The following KCNAB1 variants were observed in gnomAD, a reference collection of about 807,000 sequenced individuals.
KCNAB1 encodes potassium voltage-gated channel subfamily A regulatory beta subunit 1.
Under a neutral mutation model 64.6 loss-of-function variants are expected in KCNAB1, and 35 were observed. That is an observed-to-expected ratio of 0.54 (90% CI 0.41 to 0.72). KCNAB1 has a LOEUF of 0.72. Among genes scored for constraint, KCNAB1 ranks in the 30% least tolerant of loss-of-function variants. The probability of loss-of-function intolerance (pLI) is 0.00; values close to 1 mark genes in which losing one functional copy is unlikely to be tolerated. For missense variants in KCNAB1, 401 were observed against 512.9 expected, an observed-to-expected ratio of 0.78 and a Z score of 2.11; for synonymous variants, 177 against 183.8, an observed-to-expected ratio of 0.96 and a Z score of 0.30.
intron 1 of KCNAB1, among the ~76,000 whole-genome samples, chr3:156,156,200 A>C (rs1206367107): frequency 1.3e-5 from 2 of 152,178 alleles, no homozygotes; most frequent in Admixed American, 6.5e-5. Context: ...CCAAGGGCTT[A>C]GAGGTTAACT....
intron 1 of KCNAB1, among the ~76,000 whole-genome samples, chr3:156,410,995 T>A (rs184837605): frequency 1.3e-5 from 2 of 152,324 alleles, no homozygotes; most frequent in African/African-American, 4.8e-5. Context: ...TGGTATAGAT[T>A]GTTGAACTTT....
In KCNAB1 at chr3:156,265,377, T is replaced by A. The variant is rs112968620; in HGVS notation, c.275+144491T>A. Among the ~76,000 whole-genome samples the A allele has an allele frequency of 7.9e-4, 121 of 152,272 alleles. 1 individual carries two copies. Among genetic ancestry groups the A allele is most frequent in the African/African-American group, 2.7e-3 (113 of 41,572 alleles). ...AAGCTTCCATCTGGCTACTTCTACT[T>A]CCCAAGTAGGCCATGTGTCATTATC... On this transcript the variant is annotated intron_variant, in intron 1 of 13. Transcript: ENST00000490337.
chr3:156,165,015 A>G (rs189088029), intron 1 of KCNAB1, among the ~76,000 whole-genome samples: 2 of 152,220 alleles, frequency 1.3e-5, no homozygotes, highest in Non-Finnish European at 2.9e-5. Context: ...CGGTGGCTCA[A>G]CGCCTGTAAT....
At chr3:156,514,313 C>T (rs770798555) in intron 8 of KCNAB1, 51 bp from the exon 9 acceptor site, 2 of 1,458,526 alleles carry the variant, frequency 1.4e-6, no homozygotes, top group Non-Finnish European at 1.9e-6. Context: ...AATCGCATAA[C>T]TTTGAAAAGT....
chr3:156,254,687 A>G (rs62286209), intron 1 of KCNAB1, among the ~76,000 whole-genome samples: 24 of 152,292 alleles, frequency 1.6e-4, no homozygotes, highest in South Asian at 6.2e-4. Context: ...TTATTTTCTT[A>G]ACTGAGCCCT....
chr3:156,192,766 G>T (rs1021331081), intron 1 of KCNAB1, among the ~76,000 whole-genome samples: 3 of 151,986 alleles, frequency 2.0e-5, no homozygotes, highest in African/African-American at 7.2e-5. Context: ...AATATTATTT[G>T]CTTTGAAGTA....
intron 12 of KCNAB1, among the ~76,000 whole-genome samples, chr3:156,525,138 C>T (rs1464171267): frequency 2.0e-5 from 3 of 152,016 alleles, no homozygotes; most frequent in African/African-American, 7.3e-5. Flanking sequence ...TAGAGTGTTA[C>T]TCCTTCTTAC....
intron 1 of KCNAB1, among the ~76,000 whole-genome samples, chr3:156,297,071 C>A (rs2107979336): frequency 6.6e-6 from 1 of 152,212 alleles, no homozygotes; most frequent in Non-Finnish European, 1.5e-5. Flanking sequence ...ATTTGTGTAA[C>A]CACCACCACA....
chr3:156,344,530 C>G lies in KCNAB1; in HGVS notation c.276-77086C>G, dbSNP rs144637928. ...GAGAGGGTGGGAATATTTAAACAAG[C>G]CTTTACTAAAAGCCAGAGCAGTGAA... On this transcript the variant is annotated intron_variant, in intron 1 of 13. Transcript: ENST00000490337. Among the ~76,000 whole-genome samples, 41 of 152,252 alleles carry G rather than the reference C, an allele frequency of 2.7e-4. No homozygotes were observed. In the East Asian group the frequency reaches 6.6e-3, roughly 24 times the overall value.
intron 1 of KCNAB1, among the ~76,000 whole-genome samples, chr3:156,246,990 A>G (rs1006357515): frequency 2.6e-5 from 4 of 152,234 alleles, no homozygotes; most frequent in African/African-American, 9.6e-5. Context: ...GTTATCTATC[A>G]ATGCATAAGA....
chr3:156,496,473 C>T (rs1260260118), intron 8 of KCNAB1, among the ~76,000 whole-genome samples: 1 of 152,184 alleles, frequency 6.6e-6, no homozygotes, highest in Non-Finnish European at 1.5e-5. Context: ...CCTCCTTTGC[C>T]TTCCACCGTA....
chr3:156,524,860 A>C (rs62285074), intron 12 of KCNAB1, among the ~76,000 whole-genome samples: 55,776 of 151,294 alleles, frequency 0.37, 10,758 homozygotes, highest in Middle Eastern at 0.44. Context: ...AACGACGGAC[A>C]ACATATATGT....
chr3:156,125,356 G>A (rs893615261), intron 1 of KCNAB1, among the ~76,000 whole-genome samples: 3 of 152,158 alleles, frequency 2.0e-5, no homozygotes, highest in Non-Finnish European at 2.9e-5. Context: ...TGAGCATCCC[G>A]CTGTGCTCAA....
At chr3:156,533,239 T>C (rs1238750153) in intron 13 of KCNAB1, among the ~76,000 whole-genome samples, 3 of 152,218 alleles carry the variant, frequency 2.0e-5, no homozygotes, top group Admixed American at 6.5e-5. Context: ...TTAAATGTTT[T>C]TGCAAAAAGC....
rs573525711 is a variant in KCNAB1, at chr3:156,173,028, G to A, written c.275+52142G>A. ...ACATTTTGCTTCTAGGGAAAGACAT[G>A]TAAGGCTCATTGAAAGCATCTGGCA... On this transcript the variant is annotated intron_variant, in intron 1 of 13. Coordinates refer to ENST00000490337, the MANE Select transcript of KCNAB1 (RefSeq NM_172160.3). Among the ~76,000 whole-genome samples the A allele has an allele frequency of 2.0e-5, 3 of 152,326 alleles. No homozygotes were observed. The East Asian group carries it at 5.8e-4, about 29-fold the overall frequency.
chr3:156,275,338 A>G (rs1719274723), intron 1 of KCNAB1, among the ~76,000 whole-genome samples: 1 of 152,198 alleles, frequency 6.6e-6, no homozygotes, highest in South Asian at 2.1e-4. Context: ...GCATTCAGTG[A>G]GTAATCTTTT....
At chr3:156,268,593 T>C (rs921829973) in intron 1 of KCNAB1, among the ~76,000 whole-genome samples, 2 of 152,136 alleles carry the variant, frequency 1.3e-5, no homozygotes, top group African/African-American at 4.8e-5. Context: ...ATCTCGTTGT[T>C]GTTTTGATTT....
intron 7 of KCNAB1, among the ~76,000 whole-genome samples, chr3:156,471,225 A>T (rs906855423): frequency 6.6e-6 from 1 of 152,198 alleles, no homozygotes. Flanking sequence ...TAACTGTGCC[A>T]ATCTGCTGAC....
chr3:156,428,849 A>AC lies in KCNAB1; in HGVS notation c.319+7195dup, dbSNP rs143991112. 4.0e-3 allele frequency among the ~76,000 whole-genome samples: 603 copies of AC among 152,086 alleles called. 13 individuals are homozygous for AC. In the East Asian group the frequency reaches 0.053, roughly 13 times the overall value. ...CTAAGCAGTGAAGGAGAGAAAGAAC[A>AC]CCCCCATACCTTTGGGTCCCTGTTT... On this transcript the variant is annotated intron_variant, in intron 2 of 13. Coordinates refer to ENST00000490337, the MANE Select transcript of KCNAB1 (RefSeq NM_172160.3).
Sources: allele counts gnomAD v4.1 joint callset (sites outside exome capture counted in the v4.1 genomes callset), GRCh38; gene constraint gnomAD v4.1.1; transcripts MANE v1.5; gene names NCBI Gene and HGNC (gene_info 2026-07-23, HGNC 2026-07-21).